Variants in ASXL3 observed in about 807,000 individuals in gnomAD.
ASXL3 encodes putative Polycomb group protein ASXL3.
Under a neutral mutation model 170.6 loss-of-function variants are expected in ASXL3, and 34 were observed. That is an observed-to-expected ratio of 0.20 (90% CI 0.15 to 0.27). The LOEUF (loss-of-function observed/expected upper bound fraction) is 0.27. ASXL3 is among the 10% of genes least tolerant of loss of function. The pLI, the probability that ASXL3 is intolerant of heterozygous loss-of-function variation, is 1.00. For synonymous variants in ASXL3, 1,002 were observed against 989.1 expected, an observed-to-expected ratio of 1.01 and a Z score of -0.24; for missense variants, 2,592 against 2,695.3, an observed-to-expected ratio of 0.96 and a Z score of 0.85.
In ASXL3 at chr18:33,749,145, T is replaced by A. The variant is rs2067845678; in HGVS notation, c.*2550T>A. The A allele has an allele frequency of 6.6e-6, 1 of 151,294 alleles. No homozygotes were observed. The highest frequency in any genetic ancestry group is 2.1e-4 in the South Asian group (1 of 4,814). The allele number at this position is 151,294 out of a possible 1,614,324, so 9.4% of individuals were successfully genotyped here. ...CATATGGTTTATATTACTGAAAAATTAATATCTTTAAGCTAAAATATAAGG... is the reference window on the plus strand; with the variant it reads ...CATATGGTTTATATTACTGAAAAATAAATATCTTTAAGCTAAAATATAAGG... On this transcript the variant is annotated 3_prime_UTR_variant, in exon 12 of 12. Coordinates refer to ENST00000269197, the MANE Select transcript of ASXL3 (RefSeq NM_030632.3).
chr18:33,746,083 A>G lies in ASXL3; in HGVS notation c.6235A>G (p.Ile2079Val). The change falls in exon 12 of 12, where the codon ATA becomes GTA. Residue 2079 changes from isoleucine to valine, a missense_variant. Physicochemically the swap from Ile to Val is conservative, Grantham distance 29 (BLOSUM62 3). Coordinates refer to ENST00000269197, the MANE Select transcript of ASXL3 (RefSeq NM_030632.3). ...ACAGTCCACGGGCATATGTAGCAAT[A>G]TAAAATCGGAACCTCTTTCTTTTGA... ...WPQSTGICSN[I>V]KSEPLSFEEG... 1 of 1,613,590 alleles carries G rather than the reference A, an allele frequency of 6.2e-7. No homozygotes were observed. Among genetic ancestry groups the G allele is most frequent in the African/African-American group, 1.3e-5 (1 of 74,976 alleles).
intron 2 of ASXL3, among the ~76,000 whole-genome samples, chr18:33,619,870 C>A (rs531624403): frequency 1.4e-4 from 22 of 152,208 alleles, no homozygotes; most frequent in South Asian, 1.0e-3. Flanking sequence ...TTTAGGTCCA[C>A]CATGTTTAGG....
rs552419485 is a variant in ASXL3 at position 33,578,458 on chromosome 18, C to CCCGCCGCCGCCGCCGCCGCCGCCG, written c.-156_-133dup. On this transcript the variant is annotated 5_prime_UTR_variant, in exon 1 of 12. Coordinates refer to ENST00000269197, the MANE Select transcript of ASXL3 (RefSeq NM_030632.3). ...CCACCCCCTCGCTCCATCCCTCCCA[C>CCCGCCGCCGCCGCCGCCGCCGCCG]CCGCCGCCGCCGCCGCCGCCGCCGC... 1.7e-3 allele frequency: 156 copies of CCCGCCGCCGCCGCCGCCGCCGCCG among 92,204 alleles called. 3 individuals carry two copies. The highest frequency in any genetic ancestry group is 7.5e-3 in the African/African-American group (125 of 16,654). The allele number at this position is 92,204 out of a possible 1,614,324, so 5.7% of individuals were successfully genotyped here.
At chr18:33,606,695 T>C (rs539365909) in intron 1 of ASXL3, among the ~76,000 whole-genome samples, 111 of 152,108 alleles carry the variant, frequency 7.3e-4, no homozygotes, top group Non-Finnish European at 1.1e-3. Flanking sequence ...ATAGCATCTT[T>C]AATTAGGTGT....
At position 33,749,971 on chromosome 18, in the gene ASXL3, A is replaced by G. The variant is rs2067858679; in HGVS notation, c.*3376A>G. ...CTTTACAAACCCCCGCACAATTTCA[A>G]AAGTGGAAGTTACCGTGGCCTCTGG... On this transcript the variant is annotated 3_prime_UTR_variant, in exon 12 of 12. Coordinates refer to ENST00000269197, the MANE Select transcript of ASXL3 (RefSeq NM_030632.3). 1 of 152,294 alleles carries G rather than the reference A, an allele frequency of 6.6e-6. No individual in the cohort carries two copies. 9.4% of individuals were successfully genotyped at this position (152,294 alleles called of 1,614,324 possible).
At chr18:33,614,323 A>T (rs1207777080) in intron 2 of ASXL3, 1 of 152,164 alleles carries the variant, frequency 6.6e-6, no homozygotes, top group Non-Finnish European at 1.5e-5. Context: ...CCTTCATTAC[A>T]TATCTATAAG....
At chr18:33,640,795 A>G (rs2065834762) in intron 2 of ASXL3, among the ~76,000 whole-genome samples, 1 of 152,012 alleles carries the variant, frequency 6.6e-6, no homozygotes, top group Admixed American at 6.6e-5. Context: ...ATTAATTTAT[A>G]TTAATAGCAC....
intron 2 of ASXL3, among the ~76,000 whole-genome samples, chr18:33,635,110 G>T (rs1311707553): frequency 1.3e-5 from 2 of 152,140 alleles, no homozygotes; most frequent in African/African-American, 2.4e-5. Flanking sequence ...AGCCTGATTG[G>T]AATGGGCTTT....
chr18:33,593,046 A>G (rs757344341), intron 1 of ASXL3, among the ~76,000 whole-genome samples: 1 of 152,108 alleles, frequency 6.6e-6, no homozygotes, highest in Non-Finnish European at 1.5e-5. Context: ...CAATCGTTGT[A>G]AACAAGGAAT....
chr18:33,630,934 C>T (rs1488407792), intron 2 of ASXL3, among the ~76,000 whole-genome samples: 5 of 151,502 alleles, frequency 3.3e-5, no homozygotes, highest in Non-Finnish European at 5.9e-5. Context: ...GATACAGACA[C>T]AATCAAAAAT....
At chr18:33,719,135 A>G (rs150990605) in intron 8 of ASXL3, among the ~76,000 whole-genome samples, 2 of 152,200 alleles carry the variant, frequency 1.3e-5, no homozygotes, top group Non-Finnish European at 2.9e-5. Flanking sequence ...AGGAGAAAAC[A>G]ACAGCAACAA....
In ASXL3 at chr18:33,745,438, G is replaced by A. The variant is rs1319441601; in HGVS notation, c.5590G>A (p.Gly1864Ser). The change falls in exon 12 of 12, where the codon GGC becomes AGC. Residue 1864 changes from glycine to serine, a missense_variant. By Grantham distance (56) the Gly-to-Ser change is moderately conservative (BLOSUM62 0). Coordinates refer to ENST00000269197, the MANE Select transcript of ASXL3 (RefSeq NM_030632.3). The part of the protein sequence containing the change: ...VKGVPCVISS[G>S]ISQLGHSQPF... ...AGGGGTGCCTTGTGTCATCAGTTCC[G>A]GCATCAGTCAGCTAGGACACAGCCA... is the stretch of plus-strand genomic sequence containing the variant. 1.5e-5 allele frequency: 25 copies of A among 1,613,826 alleles called. No homozygotes were observed. The highest frequency in any genetic ancestry group is 2.2e-5 in the East Asian group (1 of 44,886).
chr18:33,745,387 A>G lies in ASXL3; in HGVS notation c.5539A>G (p.Lys1847Glu). ...EHTQVKCEPG[K>E]LLVEPDVKGV... ...CACTCAAGTTAAATGTGAACCAGGA[A>G]AATTGTTGGTGGAGCCAGATGTTAA... is the stretch of plus-strand genomic sequence containing the variant. Residue 1847 changes from lysine (K) to glutamate (E), a missense_variant, in exon 12 of 12, where the codon AAA becomes GAA. By Grantham distance (56) the Lys-to-Glu change is moderately conservative (BLOSUM62 1). Around this residue, in one of 4 missense-constraint regions of ASXL3, gnomAD observed 2,246 missense variants for 2,219.6 expected, o/e 1.01. Transcript: ENST00000269197. 1.9e-6 allele frequency: 3 copies of G among 1,613,984 alleles called. No homozygotes were observed. Among genetic ancestry groups the G allele is most frequent in the Non-Finnish European group, 2.5e-6 (3 of 1,179,890 alleles).
At chr18:33,651,360 T>A (rs917373583) in intron 4 of ASXL3, among the ~76,000 whole-genome samples, 3 of 152,056 alleles carry the variant, frequency 2.0e-5, no homozygotes, top group African/African-American at 7.2e-5. Flanking sequence ...TGTACAAATA[T>A]ACTTTGAAAA....
At chr18:33,689,593 C>G (rs760648410) in intron 8 of ASXL3, among the ~76,000 whole-genome samples, 2 of 152,138 alleles carry the variant, frequency 1.3e-5, no homozygotes, top group Non-Finnish European at 1.5e-5. Flanking sequence ...CATAATATCT[C>G]CTACTCAGAT....
At chr18:33,674,351 C>T (rs2066392179) in intron 7 of ASXL3, among the ~76,000 whole-genome samples, 1 of 152,126 alleles carries the variant, frequency 6.6e-6, no homozygotes, top group African/African-American at 2.4e-5. Context: ...CTCACCCTAT[C>T]CTGTATCAAA....
In ASXL3 at chr18:33,670,835, G is replaced by A. The variant is rs777260184; in HGVS notation, c.595+45G>A. 5 of 1,271,940 alleles carry A rather than the reference G, an allele frequency of 3.9e-6. No individual in the cohort carries two copies. The African/African-American group carries it at 6.1e-5, about 16-fold the overall frequency. 78.8% of individuals were successfully genotyped at this position (1,271,940 alleles called of 1,614,324 possible). On this transcript the variant is annotated intron_variant, in intron 6 of 11. Coordinates refer to ENST00000269197, the MANE Select transcript of ASXL3 (RefSeq NM_030632.3). ...TATGCTTGGCCAGTTTCTTCCTGGA[G>A]GAGACTTCCTCACTGAAAGAGATGT...
At chr18:33,722,166 A>G (rs528726346) in intron 8 of ASXL3, among the ~76,000 whole-genome samples, 2 of 152,212 alleles carry the variant, frequency 1.3e-5, no homozygotes, top group South Asian at 4.1e-4. Context: ...CAGTATTAAA[A>G]TTAGGCCAAT....
rs141299948 is a variant in ASXL3, at chr18:33,611,846, A to ATCAT, written c.137+4173_137+4176dup. Among the ~76,000 whole-genome samples, 450 of 152,132 alleles carry ATCAT rather than the reference A, an allele frequency of 3.0e-3. 2 individuals are homozygous for ATCAT. Among genetic ancestry groups the ATCAT allele is most frequent in the African/African-American group, 0.01 (416 of 41,538 alleles). On this transcript the variant is annotated intron_variant, in intron 2 of 11. Transcript: ENST00000269197. ...TTTTTGATTTGCTCATTCAGAGGTTATCATTCCTTTACCAAGAGGACTATG... is the reference window on the plus strand; with the variant it reads ...TTTTTGATTTGCTCATTCAGAGGTTATCATTCATTCCTTTACCAAGAGGACTATG...
Sources: gnomAD v4.1 joint callset for allele counts (sites outside exome capture counted in the v4.1 genomes callset) on GRCh38, gnomAD v4.1.1 for gene constraint, gnomAD v4.1.1 regional missense constraint, MANE v1.5 for transcripts, NCBI Gene and HGNC (gene_info 2026-07-23, HGNC 2026-07-21) for gene names.